The following RASGEF1C variants were observed in gnomAD, a reference collection of about 807,000 sequenced individuals.
RASGEF1C encodes the protein ras-GEF domain-containing family member 1C.
RASGEF1C carries 27 observed loss-of-function variants against 58.1 expected under a neutral mutation model. The observed-to-expected ratio is 0.46, with a 90% CI of 0.34 to 0.64. The LOEUF is 0.64. RASGEF1C is among the 30% of genes least tolerant of loss of function. The pLI, the probability that RASGEF1C is intolerant of heterozygous loss-of-function variation, is 0.01. For missense variants in RASGEF1C, 502 were observed against 605.1 expected (o/e 0.83, Z 1.79); for synonymous variants, 243 against 246.3 (o/e 0.99, Z 0.13).
At chr5:180,144,741 G>A (rs141780818) in intron 1 of RASGEF1C, among the ~76,000 whole-genome samples, 30 of 152,220 alleles carry the variant, frequency 2.0e-4, no homozygotes, top group African/African-American at 5.1e-4. Context: ...CATCACCACC[G>A]TCCGTCCACA....
At chr5:180,175,367 G>A (rs941348583) in intron 1 of RASGEF1C, among the ~76,000 whole-genome samples, 3 of 152,208 alleles carry the variant, frequency 2.0e-5, no homozygotes, top group South Asian at 2.1e-4. Flanking sequence ...CCCAGCTCCT[G>A]AGCAGCCCTG....
intron 1 of RASGEF1C, among the ~76,000 whole-genome samples, chr5:180,200,020 G>A (rs1357604373): frequency 6.6e-6 from 1 of 152,118 alleles, no homozygotes; most frequent in Non-Finnish European, 1.5e-5. Context: ...TCAGCACTTT[G>A]GGAGGTTGAG....
intron 1 of RASGEF1C, among the ~76,000 whole-genome samples, chr5:180,199,320 A>C (rs1756337656): frequency 6.6e-6 from 1 of 152,214 alleles, no homozygotes. Flanking sequence ...GTCCCGCTGT[A>C]GATTAAAGGG....
At chr5:180,170,398 G>A (rs1767090888) in intron 1 of RASGEF1C, among the ~76,000 whole-genome samples, 1 of 152,208 alleles carries the variant, frequency 6.6e-6, no homozygotes, top group South Asian at 2.1e-4. Context: ...TGAATATCGG[G>A]CTCTGTGTGA....
chr5:180,120,142 T>A (rs1302363881), intron 7 of RASGEF1C, among the ~76,000 whole-genome samples: 1 of 152,186 alleles, frequency 6.6e-6, no homozygotes, highest in African/African-American at 2.4e-5. Flanking sequence ...CTACCAAAGA[T>A]GCACCAAGGG....
chr5:180,120,959 A>G (rs1204354731), intron 7 of RASGEF1C, 101 bp downstream of exon 7: 3 of 807,508 alleles, frequency 3.7e-6, no homozygotes, highest in Non-Finnish European at 6.5e-6. Flanking sequence ...AGAAATGAAT[A>G]AGACTCAAGG....
At chr5:180,178,844 G>C (rs1319740829) in intron 1 of RASGEF1C, among the ~76,000 whole-genome samples, 2 of 152,088 alleles carry the variant, frequency 1.3e-5, no homozygotes, top group African/African-American at 4.8e-5. Context: ...ACCCCCGGCT[G>C]ATATGTGGAG....
At chr5:180,119,030 A>G (rs7732620) in intron 8 of RASGEF1C, among the ~76,000 whole-genome samples, 164 bp from the exon 9 acceptor site, 85,723 of 151,614 alleles carry the variant, frequency 0.57, 24,868 homozygotes, top group East Asian at 0.86. Flanking sequence ...ATGGTCAGGT[A>G]GGCCTGCTGC....
In RASGEF1C at chr5:180,204,712, G is replaced by A. The variant is rs183807295; in HGVS notation, c.-7+4316C>T. Among the ~76,000 whole-genome samples the A allele has an allele frequency of 2.6e-5, 4 of 152,182 alleles. No homozygotes were observed. The East Asian group carries it at 7.7e-4, about 29-fold the overall frequency. ...GTCAGCATCTTTCTTAATAGGGGAA[G>A]TATTAGAGGCCTTTTTACTAAGGTC... On this transcript the variant is annotated intron_variant, in intron 1 of 13. Transcript: ENST00000361132.
At chr5:180,142,874 G>A (rs971826236) in intron 1 of RASGEF1C, among the ~76,000 whole-genome samples, 1 of 152,132 alleles carries the variant, frequency 6.6e-6, no homozygotes, top group Admixed American at 6.5e-5. Context: ...TCCAGGCCTG[G>A]AATGGTGAGG....
At chr5:180,187,000 C>T (rs1303124292) in intron 1 of RASGEF1C, among the ~76,000 whole-genome samples, 1 of 152,114 alleles carries the variant, frequency 6.6e-6, no homozygotes, top group Non-Finnish European at 1.5e-5. Context: ...TCTTAAAATA[C>T]ATATGGAATT....
At chr5:180,118,363 A>G (rs974572503) in intron 10 of RASGEF1C, among the ~76,000 whole-genome samples, 3 of 152,112 alleles carry the variant, frequency 2.0e-5, no homozygotes, top group African/African-American at 7.2e-5. Context: ...CCCCCAAGAA[A>G]GGATGACCCC....
intron 1 of RASGEF1C, among the ~76,000 whole-genome samples, chr5:180,173,430 C>T (rs919129362): frequency 3.3e-5 from 5 of 152,184 alleles, no homozygotes; most frequent in African/African-American, 1.2e-4. Context: ...GTGGGGAAGG[C>T]AGATCCCACA....
At chr5:180,179,794 A>G (rs1767294351) in intron 1 of RASGEF1C, among the ~76,000 whole-genome samples, 1 of 152,234 alleles carries the variant, frequency 6.6e-6, no homozygotes, top group African/African-American at 2.4e-5. Flanking sequence ...TTGCAAAACA[A>G]AAACGTACAT....
intron 1 of RASGEF1C, among the ~76,000 whole-genome samples, chr5:180,174,431 CGT>C (rs1181129416): frequency 8.9e-5 from 13 of 145,628 alleles, no homozygotes; most frequent in South Asian, 4.3e-4. Flanking sequence ...CATGTGCACA[CGT>C]GTGTGTCTGT....
intron 4 of RASGEF1C, among the ~76,000 whole-genome samples, chr5:180,129,369 G>A (rs1332964478): frequency 6.6e-6 from 1 of 152,124 alleles, no homozygotes; most frequent in Non-Finnish European, 1.5e-5. Flanking sequence ...GTTAAGCCAC[G>A]TCCTGTCCCA....
intron 4 of RASGEF1C, among the ~76,000 whole-genome samples, chr5:180,133,840 T>C (rs1168816056): frequency 6.6e-6 from 1 of 152,214 alleles, no homozygotes; most frequent in African/African-American, 2.4e-5. Context: ...ACAGCGCTCC[T>C]ATGCCTGATT....
intron 1 of RASGEF1C, among the ~76,000 whole-genome samples, chr5:180,176,765 C>T (rs918904926): frequency 2.4e-4 from 37 of 152,214 alleles, no homozygotes; most frequent in African/African-American, 8.2e-4. Flanking sequence ...ACCATGTTGG[C>T]CAGGATGGTC....
chr5:180,190,067 G>A (rs976288665), intron 1 of RASGEF1C, among the ~76,000 whole-genome samples: 3 of 151,484 alleles, frequency 2.0e-5, no homozygotes, highest in African/African-American at 7.3e-5. Flanking sequence ...CTGATCACAG[G>A]GCCAGGCGCA....
Sources: gnomAD v4.1 joint callset for allele counts (sites outside exome capture counted in the v4.1 genomes callset) on GRCh38, gnomAD v4.1.1 for gene constraint, MANE v1.5 for transcripts, NCBI Gene and HGNC (gene_info 2026-07-23, HGNC 2026-07-21) for gene names.